Variants in TBC1D5 observed in about 807,000 individuals in gnomAD.
TBC1D5 encodes TBC1 domain family member 5.
Under a neutral mutation model 100.3 loss-of-function variants are expected in TBC1D5, and 75 were observed. The observed-to-expected ratio is 0.75, with a 90% CI of 0.62 to 0.91. The LOEUF (loss-of-function observed/expected upper bound fraction) is 0.91. Among genes scored for constraint, TBC1D5 ranks in the 40% least tolerant of loss-of-function variants. The pLI, the probability that TBC1D5 is intolerant of heterozygous loss-of-function variation, is 0.00. For synonymous variants in TBC1D5, 323 were observed against 325.6 expected, an observed-to-expected ratio of 0.99 and a Z score of 0.09; for missense variants, 910 against 942.4, an observed-to-expected ratio of 0.97 and a Z score of 0.45.
At chr3:17,415,923 A>T (rs1559838972) in intron 4 of TBC1D5, among the ~76,000 whole-genome samples, 1 of 152,198 alleles carries the variant, frequency 6.6e-6, no homozygotes, top group Admixed American at 6.5e-5. Flanking sequence ...ATTCTATAAC[A>T]TGATAAAGAA....
chr3:17,617,768 T>G (rs935791214), intron 2 of TBC1D5, among the ~76,000 whole-genome samples: 4 of 152,338 alleles, frequency 2.6e-5, no homozygotes, highest in African/African-American at 9.6e-5. Flanking sequence ...AGGTCTTCTC[T>G]ATGCTGTTTA....
intron 1 of TBC1D5, among the ~76,000 whole-genome samples, chr3:17,718,552 G>A (rs150955550): frequency 3.5e-4 from 53 of 152,244 alleles, no homozygotes; most frequent in East Asian, 1.2e-3. Context: ...AGCCGAGATC[G>A]CGCCACTGCA....
intron 17 of TBC1D5, among the ~76,000 whole-genome samples, chr3:17,218,891 G>A (rs2073957447): frequency 6.6e-6 from 1 of 151,248 alleles, no homozygotes. Context: ...GTAGATCTGA[G>A]TTTATCCTGC....
intron 2 of TBC1D5, among the ~76,000 whole-genome samples, chr3:17,537,338 TAAAG>T (rs2096292400): frequency 6.6e-6 from 1 of 152,200 alleles, no homozygotes; most frequent in Admixed American, 6.5e-5. Flanking sequence ...CTTATTGCCA[TAAAG>T]AGTCTGTTTT....
At chr3:17,554,617 C>A (rs1435466345) in intron 2 of TBC1D5, among the ~76,000 whole-genome samples, 1 of 152,150 alleles carries the variant, frequency 6.6e-6, no homozygotes, top group African/African-American at 2.4e-5. Context: ...AATATATATA[C>A]ATTCTTTATT....
chr3:17,282,032 T>C (rs1261329542), intron 15 of TBC1D5, among the ~76,000 whole-genome samples: 2 of 152,108 alleles, frequency 1.3e-5, no homozygotes, highest in Non-Finnish European at 2.9e-5. Context: ...TCATATATAA[T>C]AAGAAAAATA....
At chr3:17,591,233 CAAAAAAAA>C (rs60889092) in intron 2 of TBC1D5, among the ~76,000 whole-genome samples, 1,026 of 18,486 alleles carry the variant, frequency 0.056, 8 homozygotes, top group African/African-American at 0.11. Flanking sequence ...AAGGATCTGT[CAAAAAAAA>C]AAAAAAAAAA....
At chr3:17,607,516 G>A (rs1353326912) in intron 2 of TBC1D5, among the ~76,000 whole-genome samples, 6 of 151,168 alleles carry the variant, frequency 4.0e-5, no homozygotes, top group Non-Finnish European at 8.8e-5. Flanking sequence ...CTCAGAGATT[G>A]CGAAGGAAAC....
chr3:17,178,604 AG>A (rs2068081155), intron 19 of TBC1D5, among the ~76,000 whole-genome samples: 1 of 152,166 alleles, frequency 6.6e-6, no homozygotes, highest in African/African-American at 2.4e-5. Context: ...TCTCTATAGT[AG>A]CTGTACCAAT....
At chr3:17,310,015 C>T (rs2083834613) in intron 13 of TBC1D5, among the ~76,000 whole-genome samples, 1 of 152,096 alleles carries the variant, frequency 6.6e-6, no homozygotes. Context: ...TTCCTTACAG[C>T]TCAAATCCTT....
At chr3:17,183,046 C>T (rs926956375) in intron 19 of TBC1D5, among the ~76,000 whole-genome samples, 1 of 152,110 alleles carries the variant, frequency 6.6e-6, no homozygotes, top group African/African-American at 2.4e-5. Context: ...ATCTCTCCCA[C>T]CCAGAGATTT....
intron 19 of TBC1D5, among the ~76,000 whole-genome samples, chr3:17,177,589 A>C (rs1428604693): frequency 6.6e-6 from 1 of 152,176 alleles, no homozygotes; most frequent in East Asian, 1.9e-4. Flanking sequence ...ATCATGTCTA[A>C]ATAATTTAAG....
At chr3:17,451,523 G>C (rs2094927132) in intron 3 of TBC1D5, among the ~76,000 whole-genome samples, 1 of 152,178 alleles carries the variant, frequency 6.6e-6, no homozygotes, top group Non-Finnish European at 1.5e-5. Flanking sequence ...AGAGGATGTG[G>C]AGAAATAGGA....
intron 2 of TBC1D5, among the ~76,000 whole-genome samples, chr3:17,597,836 T>C (rs931390352): frequency 1.3e-5 from 2 of 152,194 alleles, no homozygotes; most frequent in Non-Finnish European, 2.9e-5. Context: ...GCATGTATAA[T>C]GTAAAACGAG....
At chr3:17,478,050 A>G (rs2095458891) in intron 3 of TBC1D5, among the ~76,000 whole-genome samples, 1 of 152,050 alleles carries the variant, frequency 6.6e-6, no homozygotes, top group Non-Finnish European at 1.5e-5. Flanking sequence ...TTTATTTTAA[A>G]GACCTCACTA....
intron 4 of TBC1D5, among the ~76,000 whole-genome samples, chr3:17,420,713 TACAA>T (rs903680466): frequency 2.6e-5 from 4 of 152,206 alleles, no homozygotes; most frequent in Non-Finnish European, 5.9e-5. Flanking sequence ...AACTATATAT[TACAA>T]ACAGTGATCC....
intron 2 of TBC1D5, among the ~76,000 whole-genome samples, chr3:17,551,077 T>C (rs1234293038): frequency 6.6e-6 from 1 of 152,196 alleles, no homozygotes; most frequent in Non-Finnish European, 1.5e-5. Flanking sequence ...TATGTGTGTG[T>C]ATTTAAGTGC....
intron 13 of TBC1D5, among the ~76,000 whole-genome samples, chr3:17,329,324 A>G (rs2086591882): frequency 6.6e-6 from 1 of 152,200 alleles, no homozygotes; most frequent in Non-Finnish European, 1.5e-5. Context: ...ATAAAAGGTG[A>G]TATTCAGCTC....
At chr3:17,283,304 T>G (rs901022074) in intron 15 of TBC1D5, among the ~76,000 whole-genome samples, 5 of 152,194 alleles carry the variant, frequency 3.3e-5, no homozygotes, top group African/African-American at 9.7e-5. Context: ...CAGGGTGAAC[T>G]TCTCTCATAG....
Sources: gnomAD v4.1 joint callset for allele counts (sites outside exome capture counted in the v4.1 genomes callset) on GRCh38, gnomAD v4.1.1 for gene constraint, MANE v1.5 for transcripts, NCBI Gene and HGNC (gene_info 2026-07-23, HGNC 2026-07-21) for gene names.